Variants in DIS3L2 observed in about 807,000 individuals in gnomAD.
The protein encoded by DIS3L2 is DIS3-like exonuclease 2.
In DIS3L2, 34 loss-of-function variants were observed where a neutral mutation model predicts 97.5. That is an observed-to-expected ratio of 0.35 (90% CI 0.27 to 0.46). The LOEUF (loss-of-function observed/expected upper bound fraction) is 0.46. Ranked by LOEUF, DIS3L2 falls within the 20% of genes least tolerant of loss-of-function variation. The probability of loss-of-function intolerance (pLI) is 1.00; values close to 1 mark genes in which losing one functional copy is unlikely to be tolerated. For synonymous variants in DIS3L2, 435 were observed against 445.2 expected, an observed-to-expected ratio of 0.98 and a Z score of 0.29; for missense variants, 1,038 against 1,146.0, an observed-to-expected ratio of 0.91 and a Z score of 1.36.
rs546541526 is a variant in DIS3L2 at position 232,293,065 on chromosome 2, G to C, written c.1660-6975G>C. Among the ~76,000 whole-genome samples, 47 of 152,202 alleles carry C rather than the reference G, an allele frequency of 3.1e-4. No homozygotes were observed. The highest frequency in any genetic ancestry group is 2.7e-3 in the South Asian group (13 of 4,814). On this transcript the variant is annotated intron_variant, in intron 13 of 20. Coordinates refer to ENST00000325385, the MANE Select transcript of DIS3L2 (RefSeq NM_152383.5). The surrounding 1 kb of genome is among the most constrained non-coding windows in gnomAD (Gnocchi z 4.6). ...ACTTCCCAAGCTGAGCTGCTCTGTG[G>C]GTGGTCCCTGCAGGTGGTGATTAGG...
intron 12 of DIS3L2, among the ~76,000 whole-genome samples, chr2:232,259,202 A>G (rs775867494): frequency 1.3e-5 from 2 of 152,124 alleles, no homozygotes; most frequent in Non-Finnish European, 2.9e-5. Flanking sequence ...GATCATCAGC[A>G]CTGCAGTCTC....
At chr2:232,297,457 C>T (rs951487520) in intron 13 of DIS3L2, among the ~76,000 whole-genome samples, 1 of 152,132 alleles carries the variant, frequency 6.6e-6, no homozygotes, top group Non-Finnish European at 1.5e-5. Flanking sequence ...GCTAGTAGGA[C>T]AGGCATAAGA....
At chr2:232,301,124 A>G (rs1406223033) in intron 14 of DIS3L2, among the ~76,000 whole-genome samples, 3 of 152,232 alleles carry the variant, frequency 2.0e-5, no homozygotes, top group Non-Finnish European at 4.4e-5. Flanking sequence ...TTGTTATCTC[A>G]TTTAATCTTC....
downstream of DIS3L2, among the ~76,000 whole-genome samples, chr2:232,341,398 G>A (rs191536983): frequency 1.3e-5 from 2 of 152,316 alleles, no homozygotes; most frequent in East Asian, 1.9e-4. Flanking sequence ...ATAGAGCCTC[G>A]GGTTGGATTA....
At chr2:232,006,379 T>C (rs1421920025) in intron 1 of DIS3L2, among the ~76,000 whole-genome samples, 1 of 152,228 alleles carries the variant, frequency 6.6e-6, no homozygotes, top group East Asian at 1.9e-4. Context: ...TGAAGGAATC[T>C]ACTTAGGACT....
chr2:232,148,510 G>A (rs1364793019), intron 8 of DIS3L2, among the ~76,000 whole-genome samples: 1 of 152,154 alleles, frequency 6.6e-6, no homozygotes, highest in Non-Finnish European at 1.5e-5. Context: ...AGGAACTTGA[G>A]AAATGTTCTC....
chr2:232,160,759 G>C (rs1312522683), intron 8 of DIS3L2, among the ~76,000 whole-genome samples: 2 of 152,106 alleles, frequency 1.3e-5, no homozygotes, highest in Non-Finnish European at 2.9e-5. Flanking sequence ...AGGAGGCTGA[G>C]GTGGGAGTAT....
chr2:232,158,973 C>T (rs1368513210), intron 8 of DIS3L2, among the ~76,000 whole-genome samples: 1 of 152,132 alleles, frequency 6.6e-6, no homozygotes, highest in Non-Finnish European at 1.5e-5. Flanking sequence ...CTTCAAATTT[C>T]AAAGGTTGGG....
chr2:232,033,986 A>G (rs568485691), intron 5 of DIS3L2, among the ~76,000 whole-genome samples: 2 of 152,278 alleles, frequency 1.3e-5, no homozygotes, highest in South Asian at 2.1e-4. Flanking sequence ...GCCTCATAAA[A>G]TGAGTTGGGG....
intron 7 of DIS3L2, among the ~76,000 whole-genome samples, chr2:232,132,959 C>G (rs1366776366): frequency 1.3e-5 from 2 of 152,154 alleles, no homozygotes; most frequent in Non-Finnish European, 2.9e-5. Context: ...TGGGAAGCCC[C>G]TGTGTTCTCA....
chr2:232,296,559 G>C (rs943689973), intron 13 of DIS3L2, among the ~76,000 whole-genome samples: 1 of 152,180 alleles, frequency 6.6e-6, no homozygotes, highest in East Asian at 1.9e-4. Flanking sequence ...TCCCTGTGCT[G>C]TTCTCGTGGT....
chr2:232,324,131 C>T (rs374796685), intron 14 of DIS3L2, among the ~76,000 whole-genome samples: 1 of 152,180 alleles, frequency 6.6e-6, no homozygotes, highest in African/African-American at 2.4e-5. Context: ...CATGGGTTGC[C>T]CAGCCATGGA....
chr2:232,300,261 C>T, intron 14 of DIS3L2, 142 bp downstream of exon 14: 1 of 738,132 alleles, frequency 1.4e-6, no homozygotes, highest in South Asian at 1.8e-5. Flanking sequence ...AAATAGCTGG[C>T]ACAGAAATAG....
chr2:231,990,586 A>G (rs894963411), intron 1 of DIS3L2, among the ~76,000 whole-genome samples: 1 of 152,238 alleles, frequency 6.6e-6, no homozygotes, highest in African/African-American at 2.4e-5. Context: ...CTATTTGTTG[A>G]AACAATTTCC....
intron 14 of DIS3L2, 24 bp from the exon 15 acceptor site, chr2:232,329,789 T>TGGCCC: frequency 1.4e-5 from 5 of 368,608 alleles, no homozygotes; most frequent in East Asian, 7.6e-5. Flanking sequence ...CAGCGGTCCC[T>TGGCCC]CCCATCCCAC....
chr2:232,195,216 T>C (rs1691720472), intron 9 of DIS3L2, among the ~76,000 whole-genome samples: 1 of 152,216 alleles, frequency 6.6e-6, no homozygotes, highest in Admixed American at 6.5e-5. Flanking sequence ...TCCCCGATTA[T>C]CCTGAAATAC....
At chr2:231,971,126 G>A (rs1210711632) in intron 1 of DIS3L2, among the ~76,000 whole-genome samples, 1 of 152,122 alleles carries the variant, frequency 6.6e-6, no homozygotes, top group Non-Finnish European at 1.5e-5. Context: ...TGAGGGACCT[G>A]CTTGAGGCTG....
intron 4 of DIS3L2, among the ~76,000 whole-genome samples, chr2:232,029,523 T>G (rs1230385368): frequency 6.6e-6 from 1 of 152,072 alleles, no homozygotes; most frequent in African/African-American, 2.4e-5. Context: ...ACGGTGGTCC[T>G]AAGTCAGCAA....
chr2:232,226,270 G>A (rs1692644297), intron 10 of DIS3L2, among the ~76,000 whole-genome samples: 1 of 152,168 alleles, frequency 6.6e-6, no homozygotes, highest in South Asian at 2.1e-4. Flanking sequence ...GTCAGCCTTA[G>A]GAAAAGGCTG....
Sources: gnomAD v4.1 joint callset for allele counts (sites outside exome capture counted in the v4.1 genomes callset) on GRCh38, gnomAD v4.1.1 for gene constraint, Gnocchi (gnomAD v3.1) non-coding constraint, MANE v1.5 for transcripts, NCBI Gene and HGNC (gene_info 2026-07-23, HGNC 2026-07-21) for gene names.